NRXN1: variants seen among roughly 807,000 people sequenced by gnomAD.
NRXN1 encodes neurexin-1.
NRXN1 carries 39 observed loss-of-function variants against 150.9 expected under a neutral mutation model. The observed-to-expected ratio is 0.26, with a 90% confidence interval of 0.20 to 0.34. The LOEUF (loss-of-function observed/expected upper bound fraction) is 0.34. NRXN1 is among the 10% of genes least tolerant of loss of function. NRXN1 has a pLI of 1.00. For synonymous variants in NRXN1, 924 were observed against 757.0 expected (o/e 1.22, Z -3.62); for missense variants, 1,815 against 1,949.9 (o/e 0.93, Z 1.30).
At chr2:50,853,794 C>A (rs1002944485) in intron 5 of NRXN1, among the ~76,000 whole-genome samples, 2 of 152,006 alleles carry the variant, frequency 1.3e-5, no homozygotes, top group African/African-American at 4.8e-5. Flanking sequence ...CTGTTATTTT[C>A]TTTAATATGT....
At chr2:50,431,657 G>A (rs538025157) in intron 17 of NRXN1, among the ~76,000 whole-genome samples, 5 of 152,246 alleles carry the variant, frequency 3.3e-5, no homozygotes, top group African/African-American at 1.2e-4. Flanking sequence ...TCCAGGAAGT[G>A]TTATTATAAC....
intron 5 of NRXN1, among the ~76,000 whole-genome samples, chr2:50,761,729 G>A (rs1199011818): frequency 2.0e-5 from 3 of 151,898 alleles, no homozygotes; most frequent in Non-Finnish European, 4.4e-5. Flanking sequence ...GACTGGGAAA[G>A]GCAGACTCAC....
chr2:50,258,829 A>C (rs1344893657), intron 17 of NRXN1, among the ~76,000 whole-genome samples: 1 of 152,038 alleles, frequency 6.6e-6, no homozygotes, highest in East Asian at 1.9e-4. Context: ...AAATTATATT[A>C]ATCCCCATGT....
At chr2:50,238,652 C>A (rs2065698970) in intron 17 of NRXN1, among the ~76,000 whole-genome samples, 2 of 152,000 alleles carry the variant, frequency 1.3e-5, no homozygotes, top group Non-Finnish European at 2.9e-5. Context: ...GACCTACTAT[C>A]ACATTTGTGT....
At chr2:50,253,201 G>A (rs1483483466) in intron 17 of NRXN1, among the ~76,000 whole-genome samples, 5 of 151,986 alleles carry the variant, frequency 3.3e-5, no homozygotes, top group Non-Finnish European at 7.4e-5. Context: ...TTCACGATTT[G>A]ACTCTCTCCT....
intron 10 of NRXN1, among the ~76,000 whole-genome samples, chr2:50,532,082 C>A (rs1458534727): frequency 1.3e-5 from 2 of 152,116 alleles, no homozygotes; most frequent in Admixed American, 1.3e-4. Context: ...AACTCCTGGA[C>A]TCCAGTGACC....
intron 5 of NRXN1, among the ~76,000 whole-genome samples, chr2:50,871,306 A>G (rs1677748114): frequency 6.6e-6 from 1 of 151,870 alleles, no homozygotes; most frequent in Non-Finnish European, 1.5e-5. Context: ...ACATTTTACA[A>G]AGCTAAATGT....
At chr2:50,802,311 G>A (rs536222692) in intron 5 of NRXN1, among the ~76,000 whole-genome samples, 16 of 152,202 alleles carry the variant, frequency 1.1e-4, no homozygotes, top group African/African-American at 3.1e-4. Context: ...AGCAAATACG[G>A]TGAAACCACG....
intron 5 of NRXN1, among the ~76,000 whole-genome samples, chr2:50,666,316 T>C (rs1015206440): frequency 6.6e-6 from 1 of 151,968 alleles, no homozygotes; most frequent in African/African-American, 2.4e-5. Context: ...CCAGTTTTTG[T>C]CTTTTACAAT....
intron 21 of NRXN1, among the ~76,000 whole-genome samples, chr2:49,992,404 A>AAACAAAC (rs1682140280): frequency 1.3e-5 from 2 of 148,366 alleles, no homozygotes; most frequent in Non-Finnish European, 3.0e-5. Flanking sequence ...AAACACCCCA[A>AAACAAAC]AAACAAACAA....
In NRXN1 at chr2:50,447,740, TATATATA is replaced by T. The variant is rs1558748250; in HGVS notation, c.3364+17695_3364+17701del. Reference sequence around the variant, plus strand: ...TCACATAGTAAGCAGGGGAACGTTATATATATATATATATATATATATATATATATAT... The same window carrying T: ...TCACATAGTAAGCAGGGGAACGTTATTATATATATATATATATATATATAT... On this transcript the variant is annotated intron_variant, in intron 17 of 22. Transcript: ENST00000401669. 1.7e-3 allele frequency among the ~76,000 whole-genome samples: 140 copies of T among 81,132 alleles called. 10 individuals carry two copies. The highest frequency in any genetic ancestry group is 0.011 in the East Asian group (33 of 2,970). The allele number at this position is 81,132 out of a possible 152,430, so 53.2% of individuals were successfully genotyped here.
At chr2:50,196,167 C>CT (rs5831099) in intron 18 of NRXN1, among the ~76,000 whole-genome samples, 19,887 of 152,002 alleles carry the variant, frequency 0.13, 1,690 homozygotes, top group Admixed American at 0.2. Context: ...GTTCCACTCC[C>CT]TATGTCCATC....
intron 5 of NRXN1, among the ~76,000 whole-genome samples, chr2:50,686,506 G>C (rs916046238): frequency 6.6e-6 from 1 of 152,044 alleles, no homozygotes; most frequent in African/African-American, 2.4e-5. Context: ...CTTGTTTCAG[G>C]CCTTCTGCCC....
chr2:50,350,883 T>A (rs970923099), intron 17 of NRXN1, among the ~76,000 whole-genome samples: 4 of 152,130 alleles, frequency 2.6e-5, no homozygotes, highest in African/African-American at 9.7e-5. Flanking sequence ...AAATTGTAGC[T>A]GTAGTCTTCC....
At chr2:50,973,672 G>C (rs1224617314) in intron 2 of NRXN1, among the ~76,000 whole-genome samples, 1 of 151,980 alleles carries the variant, frequency 6.6e-6, no homozygotes, top group Non-Finnish European at 1.5e-5. Flanking sequence ...GTGATTTATA[G>C]GCTTTAAAAA....
chr2:50,032,200 G>C (rs1054832299), intron 21 of NRXN1, among the ~76,000 whole-genome samples: 18 of 152,092 alleles, frequency 1.2e-4, no homozygotes, highest in African/African-American at 3.1e-4. Flanking sequence ...ACATGTACAA[G>C]ACAGGAAAAG....
chr2:49,990,444 G>T (rs954299282), intron 21 of NRXN1, among the ~76,000 whole-genome samples: 8 of 152,142 alleles, frequency 5.3e-5, no homozygotes, highest in African/African-American at 9.7e-5. Flanking sequence ...ATCATTGAAG[G>T]TTGTAAGAGC....
At chr2:50,150,532 G>A (rs2058636607) in intron 18 of NRXN1, among the ~76,000 whole-genome samples, 1 of 151,740 alleles carries the variant, frequency 6.6e-6, no homozygotes, top group South Asian at 2.1e-4. Flanking sequence ...ACTGCTAAAT[G>A]TTCCTGTAAG....
At chr2:50,073,235 G>A (rs1414828285) in intron 19 of NRXN1, among the ~76,000 whole-genome samples, 1 of 152,172 alleles carries the variant, frequency 6.6e-6, no homozygotes. Flanking sequence ...ACTTTAGCCA[G>A]AAAAATTATT....
Sources: gnomAD v4.1 joint callset for allele counts (sites outside exome capture counted in the v4.1 genomes callset) on GRCh38, gnomAD v4.1.1 for gene constraint, MANE v1.5 for transcripts, NCBI Gene and HGNC (gene_info 2026-07-23, HGNC 2026-07-21) for gene names.